The following MYL4 variants were observed in gnomAD, a reference collection of about 807,000 sequenced individuals.
MYL4 encodes the protein myosin light chain 4.
MYL4 carries 16 observed loss-of-function variants against 21.6 expected under a neutral mutation model. The ratio of observed to expected loss-of-function variants is 0.74; its 90% CI spans 0.50 to 1.12. The LOEUF is 1.12. Among genes scored for constraint, MYL4 ranks in the 50% most tolerant of loss-of-function variants. The probability of loss-of-function intolerance (pLI) is 0.00; values close to 1 mark genes in which losing one functional copy is unlikely to be tolerated. For missense variants in MYL4, 249 were observed against 252.9 expected, an observed-to-expected ratio of 0.98 and a Z score of 0.11; for synonymous variants, 82 against 95.7, an observed-to-expected ratio of 0.86 and a Z score of 0.83.
chr17:47,192,904 C>G, the MYL4 span, among the ~76,000 whole-genome samples: 1 of 152,048 alleles, frequency 6.6e-6, no homozygotes, highest in Non-Finnish European at 1.5e-5. Context: ...AGCATTATTC[C>G]AAAAATGGAA....
chr17:47,193,120 G>A, the MYL4 span, among the ~76,000 whole-genome samples: 23 of 152,112 alleles, frequency 1.5e-4, no homozygotes, highest in South Asian at 2.3e-3. Context: ...TTTTGTCCCT[G>A]TTGCGTGCGG....
chr17:47,216,978 G>C (rs1423950681), intron 2 of MYL4, among the ~76,000 whole-genome samples: 1 of 152,184 alleles, frequency 6.6e-6, no homozygotes, highest in East Asian at 1.9e-4. Context: ...ACAGGCGTGA[G>C]CCACTGTGCC....
At chr17:47,224,343 A>G (rs2064877367), downstream of MYL4, among the ~76,000 whole-genome samples, 1 of 152,146 alleles carries the variant, frequency 6.6e-6, no homozygotes, top group Admixed American at 6.5e-5. Flanking sequence ...AAACCATCAG[A>G]TCTTGTGAGA....
At chr17:47,208,222 C>G (rs1306435902), upstream of MYL4, among the ~76,000 whole-genome samples, 4 of 152,126 alleles carry the variant, frequency 2.6e-5, no homozygotes, top group Non-Finnish European at 5.9e-5. Flanking sequence ...CAAGACCAAC[C>G]TGGGCAATTT....
intron 1 of MYL4, among the ~76,000 whole-genome samples, chr17:47,201,397 C>A (rs73316010): frequency 0.016 from 2,449 of 151,736 alleles, 55 homozygotes; most frequent in African/African-American, 0.056. Flanking sequence ...TGATTTATGG[C>A]CTTCTTTCTT....
At chr17:47,205,867 CA>C (rs1161178125), upstream of MYL4, among the ~76,000 whole-genome samples, 1 of 152,200 alleles carries the variant, frequency 6.6e-6, no homozygotes, top group Non-Finnish European at 1.5e-5. Flanking sequence ...ACCTCTTCCT[CA>C]TTCCTAATCC....
At chr17:47,224,617 C>A (rs963384363), downstream of MYL4, among the ~76,000 whole-genome samples, 1 of 152,192 alleles carries the variant, frequency 6.6e-6, no homozygotes, top group Non-Finnish European at 1.5e-5. Flanking sequence ...TGAAATCAGA[C>A]AGTGTTTGTC....
At chr17:47,211,781 C>A (rs2064777689) in intron 1 of MYL4, among the ~76,000 whole-genome samples, 1 of 151,370 alleles carries the variant, frequency 6.6e-6, no homozygotes, top group Non-Finnish European at 1.5e-5. Flanking sequence ...GGGCACAGCA[C>A]AAGCAGCAGC....
chr17:47,221,914 C>A, intron 4 of MYL4, 59 bp downstream of exon 4: 2 of 1,561,210 alleles, frequency 1.3e-6, no homozygotes, highest in East Asian at 2.3e-5. Context: ...TGGGAGGTGC[C>A]AAGGTGACAT....
At chr17:47,209,182 G>A, upstream of MYL4, 1 of 633,944 alleles carries the variant, frequency 1.6e-6, no homozygotes, top group Non-Finnish European at 2.8e-6. Context: ...GGCATGAAGG[G>A]GAGGGGGCTG....
At chr17:47,212,197 C>G (rs1342181078) in intron 1 of MYL4, among the ~76,000 whole-genome samples, 3 of 151,974 alleles carry the variant, frequency 2.0e-5, no homozygotes, top group Admixed American at 1.3e-4. Context: ...GCCTGGGTGA[C>G]AAGTGCGAAA....
At chr17:47,199,070 TAA>T (rs543390449), upstream of MYL4, among the ~76,000 whole-genome samples, 8 of 140,738 alleles carry the variant, frequency 5.7e-5, no homozygotes, top group Non-Finnish European at 6.2e-5. Flanking sequence ...CCGTCTTTAC[TAA>T]AAAAAAAAAA....
chr17:47,198,305 AC>A (rs1253390579), upstream of MYL4, among the ~76,000 whole-genome samples: 1 of 152,216 alleles, frequency 6.6e-6, no homozygotes, highest in Non-Finnish European at 1.5e-5. Context: ...AAGACTGCTT[AC>A]TGAGTACAGA....
At chr17:47,211,444 CAGTGTGTGTAGTTAGG>C (rs1232051838) in intron 1 of MYL4, among the ~76,000 whole-genome samples, 35 of 152,210 alleles carry the variant, frequency 2.3e-4, no homozygotes, top group Middle Eastern at 3.4e-3. Flanking sequence ...AACTTAAGCC[CAGTGTGTGTAGTTAGG>C]ACCACGTCTA....
chr17:47,206,363 A>G (rs775836555), upstream of MYL4, among the ~76,000 whole-genome samples: 1 of 152,214 alleles, frequency 6.6e-6, no homozygotes, highest in Non-Finnish European at 1.5e-5. Flanking sequence ...AGAAAAGGAA[A>G]GAACAACCTT....
At chr17:47,202,158 G>A (rs1179323644) in intron 1 of MYL4, among the ~76,000 whole-genome samples, 1 of 151,980 alleles carries the variant, frequency 6.6e-6, no homozygotes, top group Non-Finnish European at 1.5e-5. Flanking sequence ...ACTAATTTTT[G>A]TATTTTTAGT....
upstream of MYL4, among the ~76,000 whole-genome samples, chr17:47,204,809 C>T (rs1484553622): frequency 3.9e-5 from 6 of 152,022 alleles, no homozygotes; most frequent in African/African-American, 1.5e-4. Flanking sequence ...GCCTTCTTAA[C>T]CTCTGCCTTG....
In MYL4 at chr17:47,223,023, A is replaced by G. The variant is rs962322662; in HGVS notation, c.575A>G (p.Lys192Arg). ...TTCACTTTTTTCCTAGCCTTTGTCA[A>G]GCACATCATGTCAGGGTGAAGCAGA... The part of the protein sequence containing the change: ...NGCINYEAFV[K>R]HIMSG Residue 192 changes from lysine (K) to arginine (R), a missense_variant, in exon 6 of 7, where the codon AAG becomes AGG. By Grantham distance (26) the Lys-to-Arg change is conservative. Transcript: ENST00000393450. The G allele has an allele frequency of 6.2e-7, 1 of 1,614,164 alleles. No homozygotes were observed. The highest frequency in any genetic ancestry group is 8.5e-7 in the Non-Finnish European group (1 of 1,180,004).
upstream of MYL4, among the ~76,000 whole-genome samples, chr17:47,195,776 T>C (rs1475127895): frequency 1.3e-5 from 2 of 152,256 alleles, no homozygotes; most frequent in Non-Finnish European, 2.9e-5. Context: ...TCCTCTGGGA[T>C]AGCTTGGCTC....
Sources: gnomAD v4.1 joint callset for allele counts (sites outside exome capture counted in the v4.1 genomes callset) on GRCh38, gnomAD v4.1.1 for gene constraint, MANE v1.5 for transcripts, NCBI Gene and HGNC (gene_info 2026-07-23, HGNC 2026-07-21) for gene names.